The following SRGAP3 variants were observed in gnomAD, a reference collection of about 807,000 sequenced individuals.
SRGAP3 encodes SLIT-ROBO Rho GTPase activating protein 3, also known as SLIT-ROBO Rho GTPase-activating protein 3.
SRGAP3 carries 39 observed loss-of-function variants against 121.1 expected under a neutral mutation model. The ratio of observed to expected loss-of-function variants is 0.32; its 90% CI spans 0.25 to 0.42. The LOEUF (loss-of-function observed/expected upper bound fraction) is 0.42, where lower values mean the gene tolerates loss of function less well. Among genes scored for constraint, SRGAP3 ranks in the 10% least tolerant of loss-of-function variants. The probability of loss-of-function intolerance (pLI) is 1.00; values close to 1 mark genes in which losing one functional copy is unlikely to be tolerated. For missense variants in SRGAP3, 1,213 were observed against 1,470.6 expected (o/e 0.82, Z 2.86); for synonymous variants, 601 against 570.0 (o/e 1.05, Z -0.77).
At chr3:9,328,178 T>G (rs1293628350) in intron 2 of SRGAP3, among the ~76,000 whole-genome samples, 1 of 152,224 alleles carries the variant, frequency 6.6e-6, no homozygotes, top group Non-Finnish European at 1.5e-5. Context: ...CTAAAGGCAT[T>G]ACAGTTTTTA....
At chr3:9,071,686 G>A (rs1946728412) in intron 4 of SRGAP3, among the ~76,000 whole-genome samples, 2 of 140,682 alleles carry the variant, frequency 1.4e-5, no homozygotes, top group Non-Finnish European at 1.6e-5. Context: ...ATGGATGGAT[G>A]GATGGATTGG....
intron 5 of SRGAP3, among the ~76,000 whole-genome samples, chr3:9,063,220 C>A (rs1451034210): frequency 3.4e-5 from 5 of 147,772 alleles, no homozygotes. Flanking sequence ...GCAGCCTTGA[C>A]CTCCCTCAGG....
At chr3:9,002,149 C>T (rs1942808547) in intron 18 of SRGAP3, among the ~76,000 whole-genome samples, 1 of 152,146 alleles carries the variant, frequency 6.6e-6, no homozygotes, top group South Asian at 2.1e-4. Context: ...TTGGGTATGC[C>T]CTATGCTAGT....
chr3:9,078,421 C>A (rs528507228), intron 4 of SRGAP3, among the ~76,000 whole-genome samples: 8 of 152,082 alleles, frequency 5.3e-5, no homozygotes, highest in South Asian at 2.1e-4. Flanking sequence ...CAATCCCATT[C>A]GGTTTACCAG....
intron 3 of SRGAP3, among the ~76,000 whole-genome samples, chr3:9,309,080 G>T (rs1306140413): frequency 2.0e-5 from 3 of 151,928 alleles, no homozygotes; most frequent in African/African-American, 7.2e-5. Context: ...TCCACATTCA[G>T]GCTTGTCCCC....
chr3:9,228,170 C>T (rs145243486), intron 1 of SRGAP3, among the ~76,000 whole-genome samples: 13 of 152,032 alleles, frequency 8.6e-5, no homozygotes, highest in South Asian at 2.1e-4. Flanking sequence ...AGAAGGGTGT[C>T]GTGGGGACCC....
chr3:9,049,332 G>C (rs1205578110), intron 9 of SRGAP3: 1 of 453,030 alleles, frequency 2.2e-6, no homozygotes, highest in Non-Finnish European at 4.4e-6. Context: ...ATGGTCCTAG[G>C]CTCCCAGGAC....
intron 11 of SRGAP3, chr3:9,036,068 C>G (rs546929393): frequency 4.5e-4 from 68 of 152,338 alleles, no homozygotes; most frequent in African/African-American, 1.6e-3. Flanking sequence ...AACTTAAGTG[C>G]ATTATCACAT....
At chr3:9,219,775 C>T (rs538164905) in intron 1 of SRGAP3, among the ~76,000 whole-genome samples, 5 of 152,174 alleles carry the variant, frequency 3.3e-5, no homozygotes, top group South Asian at 2.1e-4. Flanking sequence ...GGTGTGAACC[C>T]GGGAGGTGGA....
At chr3:9,328,131 T>C (rs112978740) in intron 2 of SRGAP3, among the ~76,000 whole-genome samples, 5,622 of 152,314 alleles carry the variant, frequency 0.037, 357 homozygotes, top group African/African-American at 0.13. Flanking sequence ...TCTTTAAAGC[T>C]GTTTTTATTT....
chr3:9,285,768 CAAA>C (rs35774144), intron 3 of SRGAP3, among the ~76,000 whole-genome samples: 14 of 129,334 alleles, frequency 1.1e-4, no homozygotes, highest in Non-Finnish European at 1.3e-4. Flanking sequence ...CGCCCCACCT[CAAA>C]AAAAAAAAAA....
intron 3 of SRGAP3, among the ~76,000 whole-genome samples, chr3:9,280,703 T>A (rs1954659538): frequency 6.6e-6 from 1 of 152,196 alleles, no homozygotes; most frequent in Non-Finnish European, 1.5e-5. Flanking sequence ...CAATGCCGGA[T>A]ATGACAGTAC....
chr3:9,351,351 T>C (rs1171802851), intron 1 of SRGAP3, among the ~76,000 whole-genome samples: 1 of 152,234 alleles, frequency 6.6e-6, no homozygotes, highest in African/African-American at 2.4e-5. Context: ...ATAGTCACCA[T>C]TGTATCCCTA....
intron 1 of SRGAP3, among the ~76,000 whole-genome samples, chr3:9,129,975 T>A (rs1949382536): frequency 6.6e-6 from 1 of 152,148 alleles, no homozygotes; most frequent in Admixed American, 6.6e-5. Context: ...TTAGCCAGGC[T>A]GGTGTCGAAC....
At chr3:9,151,991 A>G (rs1950227108) in intron 1 of SRGAP3, among the ~76,000 whole-genome samples, 2 of 152,168 alleles carry the variant, frequency 1.3e-5, no homozygotes, top group South Asian at 4.1e-4. Context: ...CATGTGTCCT[A>G]TGGAAATGCT....
At chr3:9,250,181 T>G (rs543734776), upstream of SRGAP3, among the ~76,000 whole-genome samples, 2 of 152,314 alleles carry the variant, frequency 1.3e-5, no homozygotes, top group South Asian at 4.1e-4. Flanking sequence ...AGCCTCAGTT[T>G]CCTAGATAGT....
chr3:9,322,241 T>C (rs2324797), intron 3 of SRGAP3, among the ~76,000 whole-genome samples: 41,284 of 150,964 alleles, frequency 0.27, 6,690 homozygotes, highest in East Asian at 0.46. Context: ...CAAAGGGGAG[T>C]GTGGTGGGAG....
chr3:9,135,773 G>A lies in SRGAP3; in HGVS notation c.68-10856C>T, dbSNP rs956111594. ...ACAGAGGTGGCATGGCGCAGCGGAAGGGCATGCACTCACAAGCTCACAAGT... is the reference window on the plus strand; with the variant it reads ...ACAGAGGTGGCATGGCGCAGCGGAAAGGCATGCACTCACAAGCTCACAAGT... On this transcript the variant is annotated intron_variant, in intron 1 of 21. Transcript: ENST00000383836. Among the ~76,000 whole-genome samples, 6 of 152,262 alleles carry A rather than the reference G, an allele frequency of 3.9e-5. No individual in the cohort carries two copies. In the East Asian group the frequency reaches 1.2e-3, roughly 29 times the overall value.
In SRGAP3 at chr3:9,053,212, G is replaced by C. The variant is rs1302027126; in HGVS notation, c.1138C>G (p.Leu380Val). Residue 380 changes from leucine (L) to valine (V), a missense_variant, in exon 9 of 22, where the codon CTG (leucine) becomes GTG (valine). Coordinates refer to ENST00000383836, the MANE Select transcript of SRGAP3 (RefSeq NM_014850.4). The part of the protein sequence containing the change: ...KIENEEVRKT[L>V]DATMQTLQDM... ...TGTAATGTCTGCATGGTGGCATCCA[G>C]GGTTTTCCTAACCTGGGGAAACACA... 3 of 1,613,852 alleles carry C rather than the reference G, an allele frequency of 1.9e-6. No individual in the cohort carries two copies. Among genetic ancestry groups the C allele is most frequent in the Non-Finnish European group, 2.5e-6 (3 of 1,179,938 alleles).
Sources: allele counts gnomAD v4.1 joint callset (sites outside exome capture counted in the v4.1 genomes callset), GRCh38; gene constraint gnomAD v4.1.1; transcripts MANE v1.5; gene names NCBI Gene and HGNC (gene_info 2026-07-23, HGNC 2026-07-21).